Variants in AFF1 observed in about 807,000 individuals in gnomAD.
AFF1 encodes the protein ALF transcription elongation factor 1, also known as AF4/FMR2 family member 1.
In AFF1, 48 loss-of-function variants were observed where a neutral mutation model predicts 121.7. That is an observed-to-expected ratio of 0.39 (90% CI 0.31 to 0.50). The LOEUF (loss-of-function observed/expected upper bound fraction) is 0.50. Ranked by LOEUF, AFF1 falls within the 20% of genes least tolerant of loss-of-function variation. The probability of loss-of-function intolerance (pLI) is 0.76; values close to 1 mark genes in which losing one functional copy is unlikely to be tolerated. For missense variants in AFF1, 1,523 were observed against 1,511.7 expected, an observed-to-expected ratio of 1.01 and a Z score of -0.12; for synonymous variants, 613 against 563.0, an observed-to-expected ratio of 1.09 and a Z score of -1.26.
chr4:87,067,590 A>G lies in AFF1; in HGVS notation c.1060-16530A>G, dbSNP rs542731554. ...TTCAGGGGCATTGCTAAATGCACAGAGTCAGGGGCCTGCTGGATGTGTTTT... is the reference window on the plus strand; with the variant it reads ...TTCAGGGGCATTGCTAAATGCACAGGGTCAGGGGCCTGCTGGATGTGTTTT... On this transcript the variant is annotated intron_variant, in intron 4 of 20. Transcript: ENST00000395146. 2.0e-5 allele frequency among the ~76,000 whole-genome samples: 3 copies of G among 152,346 alleles called. No individual in the cohort carries two copies. The South Asian group carries it at 6.2e-4, about 32-fold the overall frequency.
chr4:87,059,284 T>C (rs768776833), intron 4 of AFF1, among the ~76,000 whole-genome samples: 4 of 152,226 alleles, frequency 2.6e-5, no homozygotes, highest in African/African-American at 4.8e-5. Context: ...CTGTCTAAAA[T>C]GGATTTTTTT....
chr4:87,078,513 C>T (rs771935862), intron 4 of AFF1, among the ~76,000 whole-genome samples: 12 of 152,102 alleles, frequency 7.9e-5, no homozygotes, highest in African/African-American at 1.7e-4. Flanking sequence ...CGGATAGTTA[C>T]GGGAGCATCT....
chr4:86,949,043 C>T (rs1376688543), intron 2 of AFF1, among the ~76,000 whole-genome samples: 1 of 152,010 alleles, frequency 6.6e-6, no homozygotes, highest in African/African-American at 2.4e-5. Context: ...AGTAATTGAT[C>T]AGTGTTGATT....
chr4:87,034,295 G>C (rs1055287807), intron 2 of AFF1, among the ~76,000 whole-genome samples: 1 of 152,208 alleles, frequency 6.6e-6, no homozygotes, highest in Non-Finnish European at 1.5e-5. Flanking sequence ...CTAGATCTCG[G>C]AAGTGTGCTG....
Position 87,086,063 on chromosome 4 carries a change from CAGTG to C in AFF1, c.1104+1902_1104+1905del, listed in dbSNP as rs374145961. On this transcript the variant is annotated intron_variant, in intron 5 of 20. Transcript: ENST00000395146. ...TGAGAAACATACTTTGAACTGCTAA[CAGTG>C]AGGAATTTTTGTCAACCAGCATGTA... Among the ~76,000 whole-genome samples, 17 of 152,270 alleles carry C rather than the reference CAGTG, an allele frequency of 1.1e-4. No homozygotes were observed. The South Asian group carries it at 2.9e-3, about 26-fold the overall frequency.
At chr4:87,060,415 A>G (rs1720620246) in intron 4 of AFF1, among the ~76,000 whole-genome samples, 1 of 152,098 alleles carries the variant, frequency 6.6e-6, no homozygotes, top group Admixed American at 6.5e-5. Flanking sequence ...CTGTTAATCT[A>G]GAAAAGGATT....
intron 2 of AFF1, 134 bp downstream of exon 2, chr4:86,948,705 A>C: frequency 3.6e-6 from 3 of 830,238 alleles, no homozygotes; most frequent in Non-Finnish European, 5.5e-6. Flanking sequence ...TGAAATTTTC[A>C]GTTTTCTCTA....
intron 2 of AFF1, among the ~76,000 whole-genome samples, chr4:87,028,674 A>C (rs893518472): frequency 1.3e-5 from 2 of 152,128 alleles, no homozygotes; most frequent in Non-Finnish European, 2.9e-5. Context: ...ATTAAAGATA[A>C]ATTTTTTAGA....
intron 2 of AFF1, among the ~76,000 whole-genome samples, chr4:87,005,529 G>T (rs1168029057): frequency 6.6e-6 from 1 of 152,052 alleles, no homozygotes; most frequent in Non-Finnish European, 1.5e-5. Flanking sequence ...TTTAATGTCT[G>T]CCAGATACCC....
chr4:87,017,258 A>G (rs1392027820), intron 2 of AFF1, among the ~76,000 whole-genome samples: 2 of 152,124 alleles, frequency 1.3e-5, no homozygotes, highest in African/African-American at 4.8e-5. Flanking sequence ...ATTTCTTGCA[A>G]ATTGTTTGCT....
intron 12 of AFF1, among the ~76,000 whole-genome samples, chr4:87,123,488 T>A (rs1727921302): frequency 6.6e-6 from 1 of 152,186 alleles, no homozygotes; most frequent in Non-Finnish European, 1.5e-5. Context: ...TTTTCCCTTC[T>A]TAACATTCTC....
At chr4:87,025,741 C>G (rs1170882974) in intron 2 of AFF1, among the ~76,000 whole-genome samples, 1 of 152,134 alleles carries the variant, frequency 6.6e-6, no homozygotes, top group African/African-American at 2.4e-5. Flanking sequence ...CTAAGAATTA[C>G]CTGGCCCCAA....
chr4:86,938,129 A>G (rs1414532058), intron 1 of AFF1, among the ~76,000 whole-genome samples: 1 of 152,180 alleles, frequency 6.6e-6, no homozygotes, highest in African/African-American at 2.4e-5. Flanking sequence ...AGATTGAGAA[A>G]GTATGTTAGA....
intron 2 of AFF1, among the ~76,000 whole-genome samples, chr4:87,017,277 AGT>A (rs1360070093): frequency 6.6e-6 from 1 of 152,094 alleles, no homozygotes; most frequent in Non-Finnish European, 1.5e-5. Flanking sequence ...CTATCTTCAT[AGT>A]TATTTGGGCT....
At position 87,047,269 on chromosome 4, in the gene AFF1, A is replaced by G. The variant is rs767189669; in HGVS notation, c.734A>G (p.Lys245Arg). Residue 245 changes from lysine (K) to arginine (R), a missense_variant, in exon 4 of 21, where the codon AAA (lysine) becomes AGA (arginine). Physicochemically the swap from Lys to Arg is conservative, Grantham distance 26. This residue lies in a region of AFF1 where 369 missense variants were observed against 367.2 expected (regional missense o/e 1.00). Transcript: ENST00000395146. ...SKVHGSSNNSKGYCPAKSPKD... is the reference protein window; with the variant it reads ...SKVHGSSNNSRGYCPAKSPKD... Reference sequence around the variant, plus strand: ...GTTCATGGCAGCAGCAATAACAGTAAAGGCTATTGCCCAGCCAAATCTCCC... The same window carrying G: ...GTTCATGGCAGCAGCAATAACAGTAGAGGCTATTGCCCAGCCAAATCTCCC... 1.7e-5 allele frequency: 27 copies of G among 1,614,084 alleles called. No individual in the cohort carries two copies. Among genetic ancestry groups the G allele is most frequent in the Non-Finnish European group, 2.2e-5 (26 of 1,180,046 alleles).
At chr4:87,073,066 TA>T (rs539470714) in intron 4 of AFF1, among the ~76,000 whole-genome samples, 1,556 of 137,608 alleles carry the variant, frequency 0.011, 5 homozygotes, top group Non-Finnish European at 0.016. Flanking sequence ...TAGTAAGCCT[TA>T]AAAAAAAAAA....
rs79473635 is a variant in AFF1 at position 86,956,541 on chromosome 4, C to T, written c.38+7970C>T. Reference sequence around the variant, plus strand: ...TGAGTTGTGCAACCATTACTACAATCCAGCTTTAGAACATTTTCATCTAGA... The same window carrying T: ...TGAGTTGTGCAACCATTACTACAATTCAGCTTTAGAACATTTTCATCTAGA... On this transcript the variant is annotated intron_variant, in intron 2 of 20. Transcript: ENST00000395146. 9.7e-3 allele frequency among the ~76,000 whole-genome samples: 1,482 copies of T among 152,246 alleles called. 21 individuals carry two copies. Among genetic ancestry groups the T allele is most frequent in the African/African-American group, 0.034 (1,410 of 41,552 alleles).
chr4:87,050,129 A>G (rs1465211124), intron 4 of AFF1, among the ~76,000 whole-genome samples: 1 of 152,220 alleles, frequency 6.6e-6, no homozygotes, highest in Admixed American at 6.5e-5. Context: ...AATTAGCCCC[A>G]GAGCAGGTAA....
intron 2 of AFF1, among the ~76,000 whole-genome samples, chr4:86,960,406 C>T (rs1421018091): frequency 2.0e-5 from 3 of 152,154 alleles, no homozygotes; most frequent in African/African-American, 4.8e-5. Flanking sequence ...AGACTGAGGG[C>T]TCCTTTACTC....
Sources: gnomAD v4.1 joint callset for allele counts (sites outside exome capture counted in the v4.1 genomes callset) on GRCh38, gnomAD v4.1.1 for gene constraint, gnomAD v4.1.1 regional missense constraint, MANE v1.5 for transcripts, NCBI Gene and HGNC (gene_info 2026-07-23, HGNC 2026-07-21) for gene names.